The following PDGFD variants were observed in gnomAD, a reference collection of about 807,000 sequenced individuals.
The protein encoded by PDGFD is platelet-derived growth factor D.
PDGFD carries 30 observed loss-of-function variants against 44.7 expected under a neutral mutation model. That is an observed-to-expected ratio of 0.67 (90% CI 0.50 to 0.91). The LOEUF (loss-of-function observed/expected upper bound fraction) is 0.91. Ranked by LOEUF, PDGFD falls within the 40% of genes least tolerant of loss-of-function variation. The pLI, the probability that PDGFD is intolerant of heterozygous loss-of-function variation, is 0.00. For missense variants in PDGFD, 445 were observed against 457.8 expected (o/e 0.97, Z 0.25); for synonymous variants, 173 against 168.4 (o/e 1.03, Z -0.21).
At position 103,925,679 on chromosome 11, in the gene PDGFD, G is replaced by GTATATA. The variant is rs367755559; in HGVS notation, c.987+1227_987+1232dup. On this transcript the variant is annotated intron_variant, in intron 6 of 6. Coordinates refer to ENST00000393158, the MANE Select transcript of PDGFD (RefSeq NM_025208.5). Reference sequence around the variant, plus strand: ...TCTCTCTCTATGTGTGTGTGTCTGTGTATATATATATATATATATACACAG... The same window carrying GTATATA: ...TCTCTCTCTATGTGTGTGTGTCTGTGTATATATATATATATATATATATATACACAG... 9.2e-5 allele frequency among the ~76,000 whole-genome samples: 11 copies of GTATATA among 119,804 alleles called. No individual in the cohort carries two copies. In the South Asian group the frequency reaches 1.2e-3, roughly 13 times the overall value. The allele number at this position is 119,804 out of a possible 152,430, so 78.6% of individuals were successfully genotyped here.
Position 104,083,739 on chromosome 11 carries a change from T to C in PDGFD, c.124+80065A>G, listed in dbSNP as rs562800829. On this transcript the variant is annotated intron_variant, in intron 1 of 6. Transcript: ENST00000393158. ...AACACTGATAGTGAAGGAAGATGCA[T>C]CATAATGTTCTAAACTTAATGTATT... Among the ~76,000 whole-genome samples the C allele has an allele frequency of 4.6e-5, 7 of 152,304 alleles. No individual in the cohort carries two copies. The South Asian group carries it at 1.4e-3, about 32-fold the overall frequency.
intron 1 of PDGFD, among the ~76,000 whole-genome samples, chr11:104,089,032 A>G (rs17101942): frequency 0.11 from 16,581 of 152,224 alleles, 1,123 homozygotes; most frequent in African/African-American, 0.2. Flanking sequence ...GATGAGACAA[A>G]TTGCCTAATT....
intron 1 of PDGFD, among the ~76,000 whole-genome samples, chr11:104,116,034 T>G (rs1030542238): frequency 6.6e-6 from 1 of 152,108 alleles, no homozygotes; most frequent in South Asian, 2.1e-4. Context: ...CTCTTTAGTT[T>G]AATTAAGTCC....
At chr11:103,917,362 C>T (rs75514198) in intron 6 of PDGFD, among the ~76,000 whole-genome samples, 9,560 of 152,136 alleles carry the variant, frequency 0.063, 355 homozygotes, top group South Asian at 0.091. Flanking sequence ...CCTGCAGTGG[C>T]CTTCATTTAG....
chr11:104,062,659 C>T (rs1860732945), intron 1 of PDGFD, among the ~76,000 whole-genome samples: 1 of 152,130 alleles, frequency 6.6e-6, no homozygotes, highest in Non-Finnish European at 1.5e-5. Flanking sequence ...AAAGAGAATA[C>T]ATTATTATGC....
At chr11:103,981,654 T>C (rs1859275013) in intron 3 of PDGFD, among the ~76,000 whole-genome samples, 1 of 151,836 alleles carries the variant, frequency 6.6e-6, no homozygotes, top group African/African-American at 2.4e-5. Context: ...TTCTGATTCA[T>C]ATATCCTGTA....
intron 1 of PDGFD, among the ~76,000 whole-genome samples, chr11:104,103,462 G>GTGTATATATATATATATA: frequency 7.5e-6 from 1 of 133,266 alleles, no homozygotes; most frequent in East Asian, 2.2e-4. Context: ...GTGTGTGTGT[G>GTGTATATATATATATATA]TATATATATA....
At chr11:104,061,967 G>A (rs1403686776) in intron 1 of PDGFD, among the ~76,000 whole-genome samples, 1 of 132,466 alleles carries the variant, frequency 7.5e-6, no homozygotes, top group African/African-American at 3.0e-5. Flanking sequence ...AGTAGGTACT[G>A]ACCTCTGCTA....
Position 103,909,594 on chromosome 11 carries a change from C to T in PDGFD, c.*100G>A. 6.9e-7 allele frequency: 1 copy of T among 1,448,026 alleles called. No individual in the cohort carries two copies. Among genetic ancestry groups the T allele is most frequent in the Non-Finnish European group, 9.6e-7 (1 of 1,044,642 alleles). 89.7% of individuals were successfully genotyped at this position (1,448,026 alleles called of 1,614,324 possible). The stretch of plus-strand genomic sequence containing the variant: ...CCACTTGTGTTCATTGCATTGCAGG[C>T]TAGTAGTAAGTTTGGTTGCTGGTAG... On this transcript the variant is annotated 3_prime_UTR_variant, in exon 7 of 7. Transcript: ENST00000393158.
At chr11:104,103,977 G>C (rs1861435376) in intron 1 of PDGFD, among the ~76,000 whole-genome samples, 1 of 151,984 alleles carries the variant, frequency 6.6e-6, no homozygotes, top group Non-Finnish European at 1.5e-5. Context: ...ACAGCTCTAT[G>C]AGTGTTAGGG....
intron 4 of PDGFD, among the ~76,000 whole-genome samples, chr11:103,944,347 A>T (rs78337827): frequency 0.026 from 3,887 of 152,248 alleles, 175 homozygotes; most frequent in African/African-American, 0.089. Flanking sequence ...ACACAACATC[A>T]TTGAAAGCCT....
intron 1 of PDGFD, among the ~76,000 whole-genome samples, chr11:104,151,693 G>A (rs968825069): frequency 3.3e-5 from 5 of 151,984 alleles, no homozygotes; most frequent in East Asian, 1.9e-4. Flanking sequence ...CCTAAAATTC[G>A]AACACACAAA....
At chr11:104,068,800 T>C (rs1050636577) in intron 1 of PDGFD, among the ~76,000 whole-genome samples, 2 of 112,484 alleles carry the variant, frequency 1.8e-5, no homozygotes, top group African/African-American at 9.9e-5. Context: ...TTTATTTTTA[T>C]TCTTCTCTCT....
chr11:104,154,632 T>C (rs913759027), intron 1 of PDGFD, among the ~76,000 whole-genome samples: 1 of 152,042 alleles, frequency 6.6e-6, no homozygotes, highest in Non-Finnish European at 1.5e-5. Flanking sequence ...AACTAGAACA[T>C]ACCTGTTGGC....
At chr11:104,103,847 T>C (rs1861433566) in intron 1 of PDGFD, among the ~76,000 whole-genome samples, 1 of 152,108 alleles carries the variant, frequency 6.6e-6, no homozygotes, top group South Asian at 2.1e-4. Context: ...GGTTTACTTA[T>C]TTACTATATT....
chr11:103,937,011 A>G (rs1261561240), intron 5 of PDGFD, among the ~76,000 whole-genome samples: 1 of 151,828 alleles, frequency 6.6e-6, no homozygotes. Context: ...TTTTTTGTAG[A>G]GACAGGTTCT....
intron 1 of PDGFD, among the ~76,000 whole-genome samples, chr11:104,090,344 G>A (rs988987485): frequency 6.7e-6 from 1 of 150,308 alleles, no homozygotes; most frequent in African/African-American, 2.4e-5. Context: ...GTAGAGGCGG[G>A]CACAGTGGCT....
intron 1 of PDGFD, among the ~76,000 whole-genome samples, chr11:104,019,183 T>C (rs1434710701): frequency 6.6e-6 from 1 of 152,224 alleles, no homozygotes; most frequent in African/African-American, 2.4e-5. Context: ...ACAATGAGCT[T>C]TGAAAGGCTA....
chr11:104,041,379 T>G (rs1269096049), intron 1 of PDGFD, among the ~76,000 whole-genome samples: 3 of 150,664 alleles, frequency 2.0e-5, no homozygotes, highest in Non-Finnish European at 2.9e-5. Context: ...AAATGTACTT[T>G]TAATGTGTCT....
Sources: gnomAD v4.1 joint callset for allele counts (sites outside exome capture counted in the v4.1 genomes callset) on GRCh38, gnomAD v4.1.1 for gene constraint, MANE v1.5 for transcripts, NCBI Gene and HGNC (gene_info 2026-07-23, HGNC 2026-07-21) for gene names.